NAA15: variants seen among roughly 807,000 people sequenced by gnomAD.
The protein encoded by NAA15 is N-alpha-acetyltransferase 15, NatA auxiliary subunit.
Under a neutral mutation model 114.0 loss-of-function variants are expected in NAA15, and 34 were observed. The ratio of observed to expected loss-of-function variants is 0.30; its 90% CI spans 0.23 to 0.40. The LOEUF (loss-of-function observed/expected upper bound fraction) is 0.40, where lower values mean the gene tolerates loss of function less well. Ranked by LOEUF, NAA15 falls within the 10% of genes least tolerant of loss-of-function variation. The pLI, the probability that NAA15 is intolerant of heterozygous loss-of-function variation, is 1.00. For synonymous variants in NAA15, 340 were observed against 338.0 expected, an observed-to-expected ratio of 1.01 and a Z score of -0.06; for missense variants, 658 against 1,004.5, an observed-to-expected ratio of 0.66 and a Z score of 4.66.
intron 1 of NAA15, among the ~76,000 whole-genome samples, chr4:139,308,253 G>A (rs1346741805): frequency 1.3e-5 from 2 of 151,978 alleles, no homozygotes; most frequent in African/African-American, 4.8e-5. Flanking sequence ...GAACCACCGC[G>A]CCCGGCCCAT....
intron 15 of NAA15, among the ~76,000 whole-genome samples, chr4:139,374,404 AAC>A (rs1748526226): frequency 1.3e-5 from 2 of 152,154 alleles, no homozygotes; most frequent in Non-Finnish European, 2.9e-5. Flanking sequence ...AATGGACCCC[AAC>A]TGAGTATGAG....
At chr4:139,335,595 A>G (rs1361503013) in intron 2 of NAA15, among the ~76,000 whole-genome samples, 1 of 151,812 alleles carries the variant, frequency 6.6e-6, no homozygotes, top group East Asian at 1.9e-4. Flanking sequence ...CAAACTCCTG[A>G]CCTCAGGTGA....
At position 139,349,504 on chromosome 4, in the gene NAA15, A is replaced by G. The variant is rs1747710076; in HGVS notation, c.734A>G (p.Asp245Gly). The change falls in exon 7 of 20, where the codon GAT becomes GGT. Residue 245 changes from aspartate to glycine, a missense_variant. Around this residue, in one of 6 missense-constraint regions of NAA15, gnomAD observed 281 missense variants for 389.1 expected, o/e 0.72. Transcript: ENST00000296543. ...LQLCRLEDAADVYRGLQERNP... is the reference protein window; with the variant it reads ...LQLCRLEDAAGVYRGLQERNP... ...CTATGTCGTTTGGAAGATGCTGCAG[A>G]TGTTTATAGAGGATTGCAAGAGAGA... 1 of 1,610,748 alleles carries G rather than the reference A, an allele frequency of 6.2e-7. No individual in the cohort carries two copies. Among genetic ancestry groups the G allele is most frequent in the East Asian group, 2.2e-5 (1 of 44,756 alleles).
At chr4:139,349,064 T>C (rs1747693707) in intron 6 of NAA15, among the ~76,000 whole-genome samples, 1 of 152,208 alleles carries the variant, frequency 6.6e-6, no homozygotes, top group Non-Finnish European at 1.5e-5. Flanking sequence ...AATTGTTTTG[T>C]AGCTGATTAA....
chr4:139,330,292 A>C (rs988539862), intron 1 of NAA15, among the ~76,000 whole-genome samples: 1 of 152,176 alleles, frequency 6.6e-6, no homozygotes, highest in Non-Finnish European at 1.5e-5. Context: ...TATAAGAAAA[A>C]CAAGCTACTT....
At chr4:139,315,159 A>G (rs754093099) in intron 1 of NAA15, among the ~76,000 whole-genome samples, 1 of 151,636 alleles carries the variant, frequency 6.6e-6, no homozygotes, top group Non-Finnish European at 1.5e-5. Context: ...GCCTCGGCCT[A>G]GGGAAGCTTT....
chr4:139,302,645 G>GTA (rs1182991838), intron 1 of NAA15: 1 of 152,216 alleles, frequency 6.6e-6, no homozygotes, highest in Non-Finnish European at 1.5e-5. Flanking sequence ...ATACACTGAA[G>GTA]TATATTAACA....
chr4:139,314,677 G>A (rs1331254867), intron 1 of NAA15, among the ~76,000 whole-genome samples: 1 of 151,788 alleles, frequency 6.6e-6, no homozygotes, highest in African/African-American at 2.4e-5. Context: ...CTGTTTCTTT[G>A]TTAGGGAAGC....
intron 1 of NAA15, among the ~76,000 whole-genome samples, chr4:139,309,679 G>C (rs575917293): frequency 6.6e-6 from 1 of 151,810 alleles, no homozygotes. Flanking sequence ...TTAAAATTCT[G>C]TATTGTGTTA....
At position 139,335,451 on chromosome 4, in the gene NAA15, C is replaced by T. The variant is rs116239486; in HGVS notation, c.139+1193C>T. Among the ~76,000 whole-genome samples the T allele has an allele frequency of 6.4e-3, 960 of 150,566 alleles. 8 individuals are homozygous for T. Among genetic ancestry groups the T allele is most frequent in the African/African-American group, 0.023 (927 of 41,032 alleles). ...CGCAATCTCAGCTCACTACAGCTTC[C>T]ACCTCCTGGGTTCAAGCGACTCCCC... On this transcript the variant is annotated intron_variant, in intron 2 of 19. Transcript: ENST00000296543.
chr4:139,357,765 A>G (rs1396684378), intron 11 of NAA15, among the ~76,000 whole-genome samples: 1 of 152,214 alleles, frequency 6.6e-6, no homozygotes, highest in African/African-American at 2.4e-5. Flanking sequence ...ATACACACAC[A>G]TACGTACATA....
intron 1 of NAA15, among the ~76,000 whole-genome samples, chr4:139,313,074 G>A (rs1361924917): frequency 6.6e-6 from 1 of 151,794 alleles, no homozygotes; most frequent in South Asian, 2.1e-4. Flanking sequence ...TTTTATTACA[G>A]AGGAGATTAT....
At chr4:139,316,555 G>A (rs1044360391) in intron 1 of NAA15, among the ~76,000 whole-genome samples, 3 of 151,778 alleles carry the variant, frequency 2.0e-5, no homozygotes, top group East Asian at 1.9e-4. Context: ...CTTTAAATTT[G>A]CGATGGATAT....
chr4:139,316,092 A>T (rs1482505317), intron 1 of NAA15, among the ~76,000 whole-genome samples: 1 of 151,742 alleles, frequency 6.6e-6, no homozygotes, highest in Non-Finnish European at 1.5e-5. Context: ...TTAGTACTAC[A>T]ATATTGTTAA....
At chr4:139,371,724 T>G (rs997487147) in intron 15 of NAA15, among the ~76,000 whole-genome samples, 1 of 152,096 alleles carries the variant, frequency 6.6e-6, no homozygotes, top group Non-Finnish European at 1.5e-5. Flanking sequence ...ATTTCAGTCA[T>G]TCAGGGCATA....
intron 3 of NAA15, 57 bp downstream of exon 3, chr4:139,337,009 A>G: frequency 9.0e-7 from 1 of 1,106,672 alleles, no homozygotes; most frequent in South Asian, 1.6e-5. Flanking sequence ...CTAAGGCAGC[A>G]ATTTGAGAGT....
chr4:139,342,683 C>T lies in NAA15; in HGVS notation c.403-143C>T, dbSNP rs532650083. 55 of 616,172 alleles carry T rather than the reference C, an allele frequency of 8.9e-5. 1 individual carries two copies. The African/African-American group carries it at 9.2e-4, about 10-fold the overall frequency. 38.2% of individuals were successfully genotyped at this position (616,172 alleles called of 1,614,324 possible). ...CAGGATGGTCTCGATCTCTTGACCT[C>T]GTGATCCACCCGCCTTAGCCTCCCA... On this transcript the variant is annotated intron_variant, in intron 4 of 19. Transcript: ENST00000296543.
rs1181192026 is a variant in NAA15 at position 139,315,001 on chromosome 4, T to TTCAGGTTAGGTTAGGTTAGG, written c.54+13171_54+13172insCAGGTTAGGTTAGGTTAGGT. ...TAGAGAAGCGTTCAGTTCAGTTCAG[T>TTCAGGTTAGGTTAGGTTAGG]TTAGTTTAGGTTAGGTTAGGTTAGG... On this transcript the variant is annotated intron_variant, in intron 1 of 19. Coordinates refer to ENST00000296543, the MANE Select transcript of NAA15 (RefSeq NM_057175.5). 2.0e-4 allele frequency among the ~76,000 whole-genome samples: 15 copies of TTCAGGTTAGGTTAGGTTAGG among 74,350 alleles called. 2 individuals carry two copies. Among genetic ancestry groups the TTCAGGTTAGGTTAGGTTAGG allele is most frequent in the Non-Finnish European group, 2.3e-4 (9 of 39,228 alleles). The allele number at this position is 74,350 out of a possible 152,430, so 48.8% of individuals were successfully genotyped here. A position where few individuals can be genotyped will look rare whatever the true frequency, so the allele number is the denominator to read the frequency against.
intron 6 of NAA15, among the ~76,000 whole-genome samples, chr4:139,345,716 C>A (rs961851839): frequency 6.6e-6 from 1 of 152,080 alleles, no homozygotes; most frequent in Non-Finnish European, 1.5e-5. Context: ...GTCAGGAGAT[C>A]GAGACCATCC....
Sources: gnomAD v4.1 joint callset for allele counts (sites outside exome capture counted in the v4.1 genomes callset) on GRCh38, gnomAD v4.1.1 for gene constraint, gnomAD v4.1.1 regional missense constraint, MANE v1.5 for transcripts, NCBI Gene and HGNC (gene_info 2026-07-23, HGNC 2026-07-21) for gene names.